SPTBN1: variants seen among roughly 807,000 people sequenced by gnomAD.
SPTBN1 encodes the protein spectrin beta chain, non-erythrocytic 1.
Under a neutral mutation model 266.4 loss-of-function variants are expected in SPTBN1, and 32 were observed. The ratio of observed to expected loss-of-function variants is 0.12; its 90% CI spans 0.09 to 0.16. SPTBN1 has a LOEUF of 0.16. SPTBN1 is among the 10% of genes least tolerant of loss of function. SPTBN1 has a pLI of 1.00. For missense variants in SPTBN1, 2,296 were observed against 3,067.1 expected (o/e 0.75, Z 5.94); for synonymous variants, 1,336 against 1,162.2 (o/e 1.15, Z -3.04).
chr2:54,465,244 C>T (rs4624421), intron 1 of SPTBN1, among the ~76,000 whole-genome samples: 3 of 152,046 alleles, frequency 2.0e-5, no homozygotes, highest in South Asian at 2.1e-4. Context: ...CTACACTAAC[C>T]TAGGCAGCTT....
chr2:54,662,225 G>A, intron 32 of SPTBN1: 1 of 985,442 alleles, frequency 1.0e-6, no homozygotes, highest in Non-Finnish European at 1.2e-6. Flanking sequence ...CACTGTGATT[G>A]CTTTTGATGT....
chr2:54,582,838 T>TGCTTCGTGACTGTGGGCA (rs1381846923), intron 2 of SPTBN1, among the ~76,000 whole-genome samples: 1 of 152,184 alleles, frequency 6.6e-6, no homozygotes, highest in Non-Finnish European at 1.5e-5. Context: ...GGACTGTGCT[T>TGCTTCGTGACTGTGGGCA]GCTTCGTGAC....
intron 15 of SPTBN1, 24 bp downstream of exon 15, chr2:54,630,053 C>G (rs1391927776): frequency 6.2e-7 from 1 of 1,608,260 alleles, no homozygotes; most frequent in Non-Finnish European, 8.5e-7. Flanking sequence ...CAGCAGTGTG[C>G]CAGCCTCCCA....
chr2:54,638,616 G>A (rs1054454609), intron 18 of SPTBN1, among the ~76,000 whole-genome samples: 1 of 152,214 alleles, frequency 6.6e-6, no homozygotes, highest in Non-Finnish European at 1.5e-5. Flanking sequence ...GCTAGTTGGA[G>A]AATAGTATCT....
At chr2:54,561,430 G>C (rs1315041055) in intron 2 of SPTBN1, among the ~76,000 whole-genome samples, 7 of 87,754 alleles carry the variant, frequency 8.0e-5, no homozygotes. Flanking sequence ...TACCTTGCCA[G>C]TCCTGTACTG....
rs1294325503 is a variant in SPTBN1 at position 54,653,745 on chromosome 2, T to C, written c.5714T>C (p.Val1905Ala). The change falls in exon 27 of 36, where the codon GTG becomes GCG. Residue 1905 changes from valine to alanine, a missense_variant. Val to Ala is a moderately conservative substitution (Grantham distance 64). Coordinates refer to ENST00000356805, the MANE Select transcript of SPTBN1 (RefSeq NM_003128.3). This position sits in a 1 kb window ranked among gnomAD's most constrained non-coding sequence, Gnocchi z 5.1. ...CTGGACGCCTGTGAGAGCCGCAGGG[T>C]GCGGCTGGTGGACACAGGGGACAAG... is the stretch of plus-strand genomic sequence containing the variant. ...SLLDACESRR[V>A]RLVDTGDKFR... The C allele has an allele frequency of 6.2e-7, 1 of 1,614,116 alleles. No homozygotes were observed. The highest frequency in any genetic ancestry group is 8.5e-7 in the Non-Finnish European group (1 of 1,180,022).
Position 54,623,724 on chromosome 2 carries a change from G to A in SPTBN1, c.1182+128G>A, listed in dbSNP as rs1678144592. 8 of 719,034 alleles carry A rather than the reference G, an allele frequency of 1.1e-5. No individual in the cohort carries two copies. The South Asian group carries it at 1.6e-4, about 15-fold the overall frequency. The allele number at this position is 719,034 out of a possible 1,614,324, so 44.5% of individuals were successfully genotyped here. A position where few individuals can be genotyped will look rare whatever the true frequency, so the allele number is the denominator to read the frequency against. ...TCCCCACCTGCCGAATTGACAATTG[G>A]CAGCTGGTGCTCAGGTGTGGCAAAG... On this transcript the variant is annotated intron_variant, in intron 10 of 35. Coordinates refer to ENST00000356805, the MANE Select transcript of SPTBN1 (RefSeq NM_003128.3).
intron 1 of SPTBN1, among the ~76,000 whole-genome samples, chr2:54,473,848 C>T (rs1026747106): frequency 2.0e-5 from 3 of 152,198 alleles, no homozygotes; most frequent in African/African-American, 7.2e-5. Flanking sequence ...GTTCTGTCTC[C>T]TCGTCTGTAT....
intron 2 of SPTBN1, among the ~76,000 whole-genome samples, chr2:54,530,428 G>A (rs940586587): frequency 7.2e-5 from 9 of 125,360 alleles, no homozygotes; most frequent in African/African-American, 2.7e-4. Context: ...GTGCAATCTC[G>A]GCTCACTGCA....
intron 17 of SPTBN1, among the ~76,000 whole-genome samples, chr2:54,637,433 T>C (rs1236800990): frequency 2.0e-5 from 3 of 152,230 alleles, no homozygotes; most frequent in African/African-American, 7.2e-5. Context: ...TATTTTTTTC[T>C]TAACACCAGA....
In SPTBN1 at chr2:54,533,366, G is replaced by GTGTGTGTGTGTGTGTGTT. The variant is rs1367953656; in HGVS notation, c.148+6817_148+6818insTTGTGTGTGTGTGTGTGT. Among the ~76,000 whole-genome samples the GTGTGTGTGTGTGTGTGTT allele has an allele frequency of 3.5e-5, 5 of 144,538 alleles. No homozygotes were observed. The highest frequency in any genetic ancestry group is 1.2e-4 in the African/African-American group (5 of 40,592). 94.8% of individuals were successfully genotyped at this position (144,538 alleles called of 152,430 possible). A position where few individuals can be genotyped will look rare whatever the true frequency, so the allele number is the denominator to read the frequency against. On this transcript the variant is annotated intron_variant, in intron 2 of 35. Coordinates refer to ENST00000356805, the MANE Select transcript of SPTBN1 (RefSeq NM_003128.3). The surrounding 1 kb of genome is among the most constrained non-coding windows in gnomAD (Gnocchi z 4.2). ...AGGGGACTAGTGTGTGTGTGTGTGT[G>GTGTGTGTGTGTGTGTGTT]TGTGTGTGTGTGTGTGTGTGTGTGT...
chr2:54,461,445 C>A (rs959600675), intron 1 of SPTBN1, among the ~76,000 whole-genome samples: 1 of 152,206 alleles, frequency 6.6e-6, no homozygotes, highest in Non-Finnish European at 1.5e-5. Flanking sequence ...TGGAGGCACA[C>A]ACACCCATTT....
At chr2:54,530,398 G>A (rs10199556) in intron 2 of SPTBN1, among the ~76,000 whole-genome samples, 6 of 108,012 alleles carry the variant, frequency 5.6e-5, no homozygotes, top group African/African-American at 1.1e-4. Flanking sequence ...TTGCTCTGTC[G>A]TCCAGGCTGG....
intron 1 of SPTBN1, among the ~76,000 whole-genome samples, chr2:54,486,825 G>A (rs1039626587): frequency 6.6e-6 from 1 of 152,110 alleles, no homozygotes; most frequent in Non-Finnish European, 1.5e-5. Flanking sequence ...TTTTGATGTT[G>A]ATTTAGAAGA....
intron 2 of SPTBN1, among the ~76,000 whole-genome samples, chr2:54,567,846 G>A (rs756204231): frequency 3.9e-5 from 6 of 152,128 alleles, no homozygotes; most frequent in Non-Finnish European, 7.4e-5. Context: ...GGAGGGTGCT[G>A]GTCAAGGAAG....
intron 2 of SPTBN1, among the ~76,000 whole-genome samples, chr2:54,534,121 T>G (rs1302511120): frequency 6.6e-6 from 1 of 152,190 alleles, no homozygotes; most frequent in African/African-American, 2.4e-5. Flanking sequence ...ACAGAAAGTC[T>G]GCTTTGGGCT....
At chr2:54,543,372 A>G (rs1217419167) in intron 2 of SPTBN1, among the ~76,000 whole-genome samples, 3 of 152,138 alleles carry the variant, frequency 2.0e-5, no homozygotes, top group Non-Finnish European at 4.4e-5. Flanking sequence ...GAGGGCTTCT[A>G]TTTCCTCCCT....
intron 2 of SPTBN1, among the ~76,000 whole-genome samples, chr2:54,578,715 A>T (rs558414828): frequency 6.6e-6 from 1 of 151,600 alleles, no homozygotes; most frequent in African/African-American, 2.4e-5. Flanking sequence ...TCCAGAAATG[A>T]TTTAATTTGG....
intron 2 of SPTBN1, chr2:54,557,747 C>G (rs571434139): frequency 3.2e-5 from 32 of 985,276 alleles, no homozygotes; most frequent in Non-Finnish European, 1.1e-5. Context: ...ATCATAGGCC[C>G]GTGTTATTCC....
Sources: gnomAD v4.1 joint callset for allele counts (sites outside exome capture counted in the v4.1 genomes callset) on GRCh38, gnomAD v4.1.1 for gene constraint, Gnocchi (gnomAD v3.1) non-coding constraint, MANE v1.5 for transcripts, NCBI Gene and HGNC (gene_info 2026-07-23, HGNC 2026-07-21) for gene names.